The following DDX46 variants were observed in gnomAD, a reference collection of about 807,000 sequenced individuals.
DDX46 encodes the protein probable ATP-dependent RNA helicase DDX46.
DDX46 carries 30 observed loss-of-function variants against 134.9 expected under a neutral mutation model. The observed-to-expected ratio is 0.22, with a 90% confidence interval of 0.17 to 0.30. DDX46 has a LOEUF of 0.30. Among genes scored for constraint, DDX46 ranks in the 10% least tolerant of loss-of-function variants. The pLI is 1.00. For missense variants in DDX46, 622 were observed against 1,248.7 expected (o/e 0.50, Z 7.56); for synonymous variants, 415 against 404.1 (o/e 1.03, Z -0.32).
At chr5:134,781,848 C>A in intron 7 of DDX46, 73 bp from the exon 8 acceptor site, 2 of 1,398,294 alleles carry the variant, frequency 1.4e-6, no homozygotes, top group South Asian at 1.3e-5. Flanking sequence ...ATTTGAAAAG[C>A]TAGGAGTATT....
At chr5:134,804,301 T>C (rs560549491) in intron 15 of DDX46, among the ~76,000 whole-genome samples, 2 of 152,300 alleles carry the variant, frequency 1.3e-5, no homozygotes, top group African/African-American at 4.8e-5. Flanking sequence ...CTCTCTTCTC[T>C]CTAGTATGTA....
intron 15 of DDX46, chr5:134,805,080 A>G (rs1018205988): frequency 1.9e-5 from 6 of 309,032 alleles, no homozygotes; most frequent in Non-Finnish European, 3.9e-5. Flanking sequence ...AGTTTTGTTA[A>G]AGGCTGTATT....
intron 5 of DDX46, among the ~76,000 whole-genome samples, chr5:134,776,926 A>G (rs916182669): frequency 1.4e-5 from 2 of 145,056 alleles, no homozygotes; most frequent in Non-Finnish European, 3.0e-5. Context: ...AAAAAAAAAA[A>G]AAAAGGCCAG....
At chr5:134,822,508 A>AT (rs932181932) in intron 21 of DDX46, among the ~76,000 whole-genome samples, 3 of 151,232 alleles carry the variant, frequency 2.0e-5, no homozygotes, top group Non-Finnish European at 3.0e-5. Context: ...AATGAAAAAA[A>AT]TTTTTTTTTC....
rs534340933 is a variant in DDX46, at chr5:134,814,779, G to A, written c.2437-1651G>A. Among the ~76,000 whole-genome samples, 7 of 152,206 alleles carry A rather than the reference G, an allele frequency of 4.6e-5. No homozygotes were observed. In the East Asian group the frequency reaches 1.2e-3, roughly 25 times the overall value. ...TACAGGCATGTGCCACCATGCCTGG[G>A]TAACTTTTATATTTTTTGTAGAGAC... On this transcript the variant is annotated intron_variant, in intron 18 of 22. Transcript: ENST00000452510.
chr5:134,829,115 A>G lies in DDX46; in HGVS notation c.*409A>G, dbSNP rs1187614423. The G allele has an allele frequency of 6.5e-6, 1 of 153,596 alleles. No homozygotes were observed. The highest frequency in any genetic ancestry group is 1.4e-5 in the Non-Finnish European group (1 of 68,986). The allele number at this position is 153,596 out of a possible 1,614,324, so 9.5% of individuals were successfully genotyped here. The stretch of plus-strand genomic sequence containing the variant: ...CTAAGAAAAGGTAAAATTCACTATC[A>G]TATTTTGTGTCCCCACCTTGATGTT... On this transcript the variant is annotated 3_prime_UTR_variant, in exon 23 of 23. Transcript: ENST00000452510.
chr5:134,785,644 TAAAGTA>T (rs1314623748), intron 11 of DDX46, 58 bp downstream of exon 11: 3 of 1,546,624 alleles, frequency 1.9e-6, no homozygotes, highest in Non-Finnish European at 2.6e-6. Context: ...GATGATTCAA[TAAAGTA>T]AAAGTGACTT....
chr5:134,794,868 A>G lies in DDX46; in HGVS notation c.1645A>G (p.Asn549Asp). 6.2e-7 allele frequency: 1 copy of G among 1,614,084 alleles called. No individual in the cohort carries two copies. Among genetic ancestry groups the G allele is most frequent in the Non-Finnish European group, 8.5e-7 (1 of 1,179,992 alleles). The change falls in exon 14 of 23, where the codon AAT becomes GAT. Residue 549 changes from asparagine to aspartate, a missense_variant. Coordinates refer to ENST00000452510, the MANE Select transcript of DDX46 (RefSeq NM_001300860.2). ...FEPQVMRIVD[N>D]VRPDRQTVMF... ...TTCTCAGGTCATGCGCATCGTGGAT[A>G]ATGTTCGTCCTGATCGACAGACGGT...
intron 19 of DDX46, 56 bp from the exon 20 acceptor site, chr5:134,817,440 C>A: frequency 6.5e-7 from 1 of 1,536,394 alleles, no homozygotes; most frequent in Non-Finnish European, 8.8e-7. Flanking sequence ...GTGGTGTGGT[C>A]CCTACTCTTG....
rs758121166 is a variant in DDX46 at position 134,817,724 on chromosome 5, A to G, written c.2832+10A>G. 131 of 1,610,728 alleles carry G rather than the reference A, an allele frequency of 8.1e-5. No homozygotes were observed. Among genetic ancestry groups the G allele is most frequent in the Non-Finnish European group, 1.1e-4 (128 of 1,178,170 alleles). On this transcript the variant is annotated intron_variant, in intron 20 of 22. Transcript: ENST00000452510. ...CAATGACTTCCCACAGGCAAGTAAC[A>G]GGTTTAAACCTTTTTTTATTGTGAA...
At chr5:134,780,111 T>G (rs1754090422) in intron 6 of DDX46, among the ~76,000 whole-genome samples, 2 of 149,730 alleles carry the variant, frequency 1.3e-5, no homozygotes, top group African/African-American at 5.0e-5. Context: ...TGTGTGTGTG[T>G]GTGTGTGTGT....
chr5:134,810,394 A>G (rs1344594071), intron 16 of DDX46, among the ~76,000 whole-genome samples: 1 of 150,414 alleles, frequency 6.6e-6, no homozygotes, highest in East Asian at 2.0e-4. Context: ...ACTGGAGTGC[A>G]TTGGCGCCAT....
intron 11 of DDX46, among the ~76,000 whole-genome samples, chr5:134,786,898 TTTGTTG>T (rs141573785): frequency 2.4e-3 from 369 of 151,066 alleles, no homozygotes; most frequent in African/African-American, 8.4e-3. Context: ...TCAGAGGTGT[TTTGTTG>T]TTGTTGTTGT....
intron 19 of DDX46, chr5:134,816,913 C>T (rs1755301093): frequency 4.0e-6 from 1 of 251,444 alleles, no homozygotes; most frequent in African/African-American, 2.3e-5. Flanking sequence ...CTTTCTTTAT[C>T]TGCTTTTATT....
chr5:134,812,205 C>T (rs1407486624), intron 18 of DDX46, among the ~76,000 whole-genome samples: 2 of 151,528 alleles, frequency 1.3e-5, no homozygotes, highest in African/African-American at 2.4e-5. Context: ...GCTGGGATTA[C>T]AGGCATCCAC....
intron 21 of DDX46, 145 bp from the exon 22 acceptor site, chr5:134,826,802 C>T (rs921205762): frequency 3.2e-6 from 2 of 633,156 alleles, no homozygotes; most frequent in East Asian, 6.0e-5. Flanking sequence ...GGGTAATGTT[C>T]CACCAGGCAT....
rs78046074 is a variant in DDX46, at chr5:134,774,037, C to T, written c.613+176C>T. Among the ~76,000 whole-genome samples, 1,365 of 152,254 alleles carry T rather than the reference C, an allele frequency of 9.0e-3. 14 individuals are homozygous for T. Among genetic ancestry groups the T allele is most frequent in the African/African-American group, 0.03 (1,265 of 41,546 alleles). The stretch of plus-strand genomic sequence containing the variant: ...TGATAAATACATTTGCAGTGTTGTG[C>T]AGTCGTTACCACTGTCTGTTTCCAT... On this transcript the variant is annotated intron_variant, in intron 5 of 22. Transcript: ENST00000452510.
At chr5:134,779,963 A>G (rs1229134222) in intron 6 of DDX46, among the ~76,000 whole-genome samples, 1 of 152,116 alleles carries the variant, frequency 6.6e-6, no homozygotes, top group Non-Finnish European at 1.5e-5. Flanking sequence ...GCTGGGTGTG[A>G]TGGCGGACGC....
At chr5:134,784,141 T>C (rs1252461220) in intron 9 of DDX46, among the ~76,000 whole-genome samples, 1 of 152,214 alleles carries the variant, frequency 6.6e-6, no homozygotes, top group East Asian at 1.9e-4. Flanking sequence ...GATCAAACAA[T>C]ATATAGTCTT....
Sources: gnomAD v4.1 joint callset for allele counts (sites outside exome capture counted in the v4.1 genomes callset) on GRCh38, gnomAD v4.1.1 for gene constraint, MANE v1.5 for transcripts, NCBI Gene and HGNC (gene_info 2026-07-23, HGNC 2026-07-21) for gene names.